CAMK2B: variants seen among roughly 807,000 people sequenced by gnomAD.
CAMK2B encodes calcium/calmodulin-dependent protein kinase type II subunit beta.
A neutral mutation model predicts 93.7 loss-of-function variants in CAMK2B; 27 were observed. The ratio of observed to expected loss-of-function variants is 0.29; its 90% CI spans 0.21 to 0.40. The LOEUF (loss-of-function observed/expected upper bound fraction) is 0.40. CAMK2B is among the 10% of genes least tolerant of loss of function. The probability of loss-of-function intolerance (pLI) is 1.00; values close to 1 mark genes in which losing one functional copy is unlikely to be tolerated. For missense variants in CAMK2B, 568 were observed against 895.8 expected (o/e 0.63, Z 4.67); for synonymous variants, 374 against 358.8 (o/e 1.04, Z -0.48).
At position 44,286,652 on chromosome 7, in the gene CAMK2B, T is replaced by C. The variant is rs956639657; in HGVS notation, c.66-2427A>G. Among the ~76,000 whole-genome samples, 3 of 152,214 alleles carry C rather than the reference T, an allele frequency of 2.0e-5. No individual in the cohort carries two copies. Among genetic ancestry groups the C allele is most frequent in the Non-Finnish European group, 4.4e-5 (3 of 68,032 alleles). Reference sequence around the variant, plus strand: ...GGGTGGGACAAGGGCTTCCTCCAGTTGATCCCTCTCCCCTCCCTGGGTCAG... The same window carrying C: ...GGGTGGGACAAGGGCTTCCTCCAGTCGATCCCTCTCCCCTCCCTGGGTCAG... On this transcript the variant is annotated intron_variant, in intron 1 of 23. Coordinates refer to ENST00000395749, the MANE Select transcript of CAMK2B (RefSeq NM_001220.5). This position sits in a 1 kb window ranked among gnomAD's most constrained non-coding sequence, Gnocchi z 4.0.
At chr7:44,228,947 T>G (rs369308225) in intron 18 of CAMK2B, 23 bp from the exon 19 acceptor site, 57 of 1,596,128 alleles carry the variant, frequency 3.6e-5, no homozygotes, top group Non-Finnish European at 4.7e-5. Flanking sequence ...AGATGAGACG[T>G]GAACATGAGG....
chr7:44,253,072 A>T (rs1281142044), intron 5 of CAMK2B, among the ~76,000 whole-genome samples: 3 of 152,188 alleles, frequency 2.0e-5, no homozygotes, highest in Non-Finnish European at 4.4e-5. Context: ...CCCATCAGGG[A>T]TGCGGGCCAT....
chr7:44,247,340 G>A (rs1418821246), intron 5 of CAMK2B, 148 bp from the exon 6 acceptor site: 1 of 685,680 alleles, frequency 1.5e-6, no homozygotes, highest in Non-Finnish European at 2.6e-6. Flanking sequence ...GCCAGGAGGG[G>A]CCTCTGGGGC....
At position 44,252,033 on chromosome 7, in the gene CAMK2B, G is replaced by A. The variant is rs542403467; in HGVS notation, c.341+2509C>T. Among the ~76,000 whole-genome samples the A allele has an allele frequency of 1.0e-3, 153 of 152,316 alleles. 6 individuals are homozygous for A. The South Asian group carries it at 0.031, about 31-fold the overall frequency. ...GGCCAGGCACCCCAGGGCCCGCCAC[G>A]GGGAGGGGCTGTGGGTGTGTGTGGG... On this transcript the variant is annotated intron_variant, in intron 5 of 23. Transcript: ENST00000395749.
chr7:44,319,809 A>G (rs1795642325), intron 1 of CAMK2B, among the ~76,000 whole-genome samples: 1 of 152,208 alleles, frequency 6.6e-6, no homozygotes, highest in African/African-American at 2.4e-5. Flanking sequence ...AAGAATTGGA[A>G]GGCACTTAGC....
chr7:44,269,523 C>T (rs1208632086), intron 2 of CAMK2B, among the ~76,000 whole-genome samples: 1 of 152,210 alleles, frequency 6.6e-6, no homozygotes, highest in African/African-American at 2.4e-5. Flanking sequence ...GCCCCTCCTC[C>T]TCCCTGGCAG....
At chr7:44,234,491 G>A in intron 14 of CAMK2B, 30 bp from the exon 15 acceptor site, 2 of 1,575,078 alleles carry the variant, frequency 1.3e-6, no homozygotes, top group Non-Finnish European at 1.7e-6. Flanking sequence ...GAACTCTTAG[G>A]TGGGAGAAGC....
chr7:44,221,337 C>T (rs960640516), intron 20 of CAMK2B, among the ~76,000 whole-genome samples: 12 of 152,192 alleles, frequency 7.9e-5, no homozygotes, highest in Admixed American at 2.0e-4. Flanking sequence ...ACTCTCCTCC[C>T]GAGCCTTGGG....
rs572401298 is a variant in CAMK2B, at chr7:44,219,052, C to T, written c.*473G>A. 4.6e-5 allele frequency: 7 copies of T among 152,510 alleles called. No individual in the cohort carries two copies. The highest frequency in any genetic ancestry group is 1.4e-4 in the African/African-American group (6 of 41,596). The allele number at this position is 152,510 out of a possible 1,614,324, so 9.4% of individuals were successfully genotyped here. A position where few individuals can be genotyped will look rare whatever the true frequency, so the allele number is the denominator to read the frequency against. Reference sequence around the variant, plus strand: ...GTCACGACAGCCAGCGAGCACACCACGTGGAGCCCATGCGTTGGCAGGAGG... The same window carrying T: ...GTCACGACAGCCAGCGAGCACACCATGTGGAGCCCATGCGTTGGCAGGAGG... On this transcript the variant is annotated 3_prime_UTR_variant, in exon 24 of 24. Coordinates refer to ENST00000395749, the MANE Select transcript of CAMK2B (RefSeq NM_001220.5).
In CAMK2B at chr7:44,222,493, T is replaced by G. The variant is rs1005398111; in HGVS notation, c.1598-1592A>C. Among the ~76,000 whole-genome samples, 12 of 151,776 alleles carry G rather than the reference T, an allele frequency of 7.9e-5. No individual in the cohort carries two copies. In the South Asian group the frequency reaches 1.3e-3, roughly 16 times the overall value. Reference sequence around the variant, plus strand: ...CTCTGTCACCCGGGCTGGAGTGCAGTGACATGATCTCGGCTCACTGCAGTC... The same window carrying G: ...CTCTGTCACCCGGGCTGGAGTGCAGGGACATGATCTCGGCTCACTGCAGTC... On this transcript the variant is annotated intron_variant, in intron 20 of 23. Transcript: ENST00000395749.
At chr7:44,220,432 G>A in intron 22 of CAMK2B, 138 bp from the exon 23 acceptor site, 1 of 865,186 alleles carries the variant, frequency 1.2e-6, no homozygotes, top group South Asian at 1.7e-5. Context: ...AGCAGCATGG[G>A]CCCCTCCAAG....
chr7:44,247,292 C>T, intron 5 of CAMK2B, 100 bp from the exon 6 acceptor site: 1 of 970,962 alleles, frequency 1.0e-6, no homozygotes, highest in African/African-American at 1.6e-5. Context: ...CTGGGGGGAC[C>T]AGGGGGACAA....
chr7:44,220,803 C>A (rs761661679), intron 21 of CAMK2B, 23 bp downstream of exon 21: 7 of 1,559,194 alleles, frequency 4.5e-6, no homozygotes, highest in South Asian at 2.4e-5. Flanking sequence ...CTGCACAGCC[C>A]CCCCCCAGCC....
rs916858588 is a variant in CAMK2B, at chr7:44,321,244, G to A, written c.65+4113C>T. ...CTATTAACTACCTAACAGGCCATTCGCTTGTTCACAGTGTGCCTCTCGGCA... is the reference window on the plus strand; with the variant it reads ...CTATTAACTACCTAACAGGCCATTCACTTGTTCACAGTGTGCCTCTCGGCA... On this transcript the variant is annotated intron_variant, in intron 1 of 23. Coordinates refer to ENST00000395749, the MANE Select transcript of CAMK2B (RefSeq NM_001220.5). Among the ~76,000 whole-genome samples the A allele has an allele frequency of 6.6e-5, 10 of 152,208 alleles. No homozygotes were observed. In the South Asian group the frequency reaches 8.3e-4, roughly 13 times the overall value.
chr7:44,304,474 G>A (rs570941136), intron 1 of CAMK2B, among the ~76,000 whole-genome samples: 4 of 152,278 alleles, frequency 2.6e-5, no homozygotes, highest in African/African-American at 4.8e-5. Flanking sequence ...GGAAACTTAA[G>A]TGGCCACTGC....
In CAMK2B at chr7:44,311,856, G is replaced by A. The variant is rs1013656022; in HGVS notation, c.65+13501C>T. ...ACTCTGGGCAGGGAAGGGTGACTGC[G>A]TGGCTGGCTCCCTGCACCGTGGACT... On this transcript the variant is annotated intron_variant, in intron 1 of 23. Coordinates refer to ENST00000395749, the MANE Select transcript of CAMK2B (RefSeq NM_001220.5). The surrounding 1 kb of genome is among the most constrained non-coding windows in gnomAD (Gnocchi z 4.2). 6.6e-6 allele frequency among the ~76,000 whole-genome samples: 1 copy of A among 151,992 alleles called. No individual in the cohort carries two copies. Among genetic ancestry groups the A allele is most frequent in the African/African-American group, 2.4e-5 (1 of 41,386 alleles).
chr7:44,284,117 T>G lies in CAMK2B; in HGVS notation c.160+14A>C. On this transcript the variant is annotated intron_variant, in intron 2 of 23. Transcript: ENST00000395749. ...GCCTGACAGCAGCTGCGCAGGACAC[T>G]CCCCATGCCCTACCTCTGGCTGACA... The G allele has an allele frequency of 6.3e-7, 1 of 1,587,404 alleles. No individual in the cohort carries two copies. Among genetic ancestry groups the G allele is most frequent in the Non-Finnish European group, 8.6e-7 (1 of 1,156,292 alleles).
At position 44,284,120 on chromosome 7, in the gene CAMK2B, C is replaced by T. The variant is rs566928708; in HGVS notation, c.160+11G>A. The stretch of plus-strand genomic sequence containing the variant: ...TGACAGCAGCTGCGCAGGACACTCC[C>T]CATGCCCTACCTCTGGCTGACAGCT... On this transcript the variant is annotated intron_variant, in intron 2 of 23. Coordinates refer to ENST00000395749, the MANE Select transcript of CAMK2B (RefSeq NM_001220.5). The T allele has an allele frequency of 8.2e-6, 13 of 1,594,352 alleles. No homozygotes were observed. The South Asian group carries it at 1.4e-4, about 18-fold the overall frequency.
intron 1 of CAMK2B, among the ~76,000 whole-genome samples, chr7:44,313,075 G>A (rs1793971507): frequency 6.6e-6 from 1 of 152,052 alleles, no homozygotes; most frequent in Non-Finnish European, 1.5e-5. Context: ...GCGGCCTTGT[G>A]ACCACCACTT....
Sources: allele counts gnomAD v4.1 joint callset (sites outside exome capture counted in the v4.1 genomes callset), GRCh38; gene constraint gnomAD v4.1.1; non-coding constraint Gnocchi (gnomAD v3.1); transcripts MANE v1.5; gene names NCBI Gene and HGNC (gene_info 2026-07-23, HGNC 2026-07-21).